The following FBXO11 variants were observed in gnomAD, a reference collection of about 807,000 sequenced individuals.
FBXO11 encodes the protein F-box protein 11.
A neutral mutation model predicts 117.0 loss-of-function variants in FBXO11; 13 were observed. The ratio of observed to expected loss-of-function variants is 0.11; its 90% CI spans 0.07 to 0.18. The LOEUF is 0.18. Ranked by LOEUF, FBXO11 falls within the 10% of genes least tolerant of loss-of-function variation. The pLI, the probability that FBXO11 is intolerant of heterozygous loss-of-function variation, is 1.00. For synonymous variants in FBXO11, 490 were observed against 380.5 expected (o/e 1.29, Z -3.35); for missense variants, 767 against 1,164.4 (o/e 0.66, Z 4.97).
intron 1 of FBXO11, among the ~76,000 whole-genome samples, chr2:47,853,861 T>C (rs1297040919): frequency 6.6e-6 from 1 of 152,218 alleles, no homozygotes; most frequent in Non-Finnish European, 1.5e-5. Flanking sequence ...GTTATCCAAT[T>C]TCATCTTCTA....
At position 47,809,273 on chromosome 2, in the gene FBXO11, TAAA is replaced by T; in HGVS notation, c.2447-10_2447-8del. The T allele has an allele frequency of 1.3e-6, 2 of 1,497,342 alleles. No individual in the cohort carries two copies. The highest frequency in any genetic ancestry group is 1.2e-5 in the South Asian group (1 of 83,910). The allele number at this position is 1,497,342 out of a possible 1,614,324, so 92.8% of individuals were successfully genotyped here. A position where few individuals can be genotyped will look rare whatever the true frequency, so the allele number is the denominator to read the frequency against. On this transcript the variant is annotated splice_polypyrimidine_tract_variant and splice_region_variant and intron_variant, in intron 20 of 22. Transcript: ENST00000403359. ...TTGTTCATTATTTTGTTATCTGTAA[TAAA>T]AGAAAGAATAAGTAAAAATTCAGAG...
chr2:47,841,327 GA>G (rs557183056), intron 1 of FBXO11, among the ~76,000 whole-genome samples: 119 of 152,268 alleles, frequency 7.8e-4, no homozygotes, highest in African/African-American at 2.6e-3. Context: ...CTTCTCTATA[GA>G]AACATTCCAG....
At position 47,809,984 on chromosome 2, in the gene FBXO11, CTT is replaced by C. The variant is rs539167206; in HGVS notation, c.2339-279_2339-278del. ...TTCATTTGCATCCATTTTAACATCT[CTT>C]TTTCTGTTGCAGATTTAAACTGGTA... On this transcript the variant is annotated intron_variant, in intron 19 of 22. Coordinates refer to ENST00000403359, the MANE Select transcript of FBXO11 (RefSeq NM_001190274.2). 324 of 489,806 alleles carry C rather than the reference CTT, an allele frequency of 6.6e-4. 1 individual carries two copies. Among genetic ancestry groups the C allele is most frequent in the African/African-American group, 5.8e-3 (293 of 50,528 alleles). The allele number at this position is 489,806 out of a possible 1,614,324, so 30.3% of individuals were successfully genotyped here.
intron 13 of FBXO11, 138 bp from the exon 14 acceptor site, chr2:47,820,594 G>A: frequency 3.2e-6 from 2 of 634,330 alleles, no homozygotes; most frequent in East Asian, 5.5e-5. Context: ...AGAACTAGAA[G>A]TGTAAATAGA....
intron 1 of FBXO11, 88 bp from the exon 2 acceptor site, chr2:47,839,857 C>A: frequency 8.5e-7 from 1 of 1,180,676 alleles, no homozygotes; most frequent in Non-Finnish European, 1.2e-6. Flanking sequence ...ACTTCAAATT[C>A]GGGAGGGAGC....
Position 47,806,928 on chromosome 2 carries a change from TAA to T in FBXO11, c.*1188_*1189del. 1 of 1,157,700 alleles carries T rather than the reference TAA, an allele frequency of 8.6e-7. No homozygotes were observed. The highest frequency in any genetic ancestry group is 1.3e-6 in the Non-Finnish European group (1 of 779,730). The allele number at this position is 1,157,700 out of a possible 1,614,324, so 71.7% of individuals were successfully genotyped here. ...GGTAAATTCAGACAACATTATGATC[TAA>T]TAAACTTTATTTTTTAAAAATGACC... is the stretch of plus-strand genomic sequence containing the variant. On this transcript the variant is annotated 3_prime_UTR_variant, in exon 23 of 23. Coordinates refer to ENST00000403359, the MANE Select transcript of FBXO11 (RefSeq NM_001190274.2).
chr2:47,890,911 G>T (rs1037207259), intron 1 of FBXO11, among the ~76,000 whole-genome samples: 1 of 152,066 alleles, frequency 6.6e-6, no homozygotes, highest in Admixed American at 6.6e-5. Context: ...TTGACCTCTA[G>T]AGCTTAAGTG....
intron 1 of FBXO11, among the ~76,000 whole-genome samples, chr2:47,852,915 T>G (rs1409611319): frequency 6.6e-6 from 1 of 152,186 alleles, no homozygotes; most frequent in Non-Finnish European, 1.5e-5. Flanking sequence ...AGGCAGAATT[T>G]TAAATCACAT....
Position 47,835,902 on chromosome 2 carries a change from T to G in FBXO11, c.687A>C (p.Pro229=). The change falls in exon 5 of 23, where the codon CCA becomes CCC. Residue 229 remains proline (P), a synonymous_variant. Coordinates refer to ENST00000403359, the MANE Select transcript of FBXO11 (RefSeq NM_001190274.2). ...YQINPEEYEH[P]NPWKESFQQL... ...GCTGGAAACTCTCTTTCCAGGGATTTGGATGTTCATACTCTTCTGGATTAA... is the reference window on the plus strand; with the variant it reads ...GCTGGAAACTCTCTTTCCAGGGATTGGGATGTTCATACTCTTCTGGATTAA... 1 of 1,610,906 alleles carries G rather than the reference T, an allele frequency of 6.2e-7. No individual in the cohort carries two copies. The highest frequency in any genetic ancestry group is 8.5e-7 in the Non-Finnish European group (1 of 1,177,762).
At chr2:47,898,884 A>T (rs1219106775) in intron 1 of FBXO11, among the ~76,000 whole-genome samples, 1 of 152,078 alleles carries the variant, frequency 6.6e-6, no homozygotes, top group Admixed American at 6.5e-5. Flanking sequence ...CAATTTTGAA[A>T]TTTTTTTGCT....
At chr2:47,861,404 G>A (rs943869845) in intron 1 of FBXO11, among the ~76,000 whole-genome samples, 2 of 148,524 alleles carry the variant, frequency 1.3e-5, no homozygotes, top group Non-Finnish European at 3.0e-5. Flanking sequence ...CTGCAGCCTC[G>A]ATCTCCTGGG....
chr2:47,810,107 C>CTT, intron 19 of FBXO11: 1 of 518,304 alleles, frequency 1.9e-6, no homozygotes, highest in Non-Finnish European at 3.4e-6. Flanking sequence ...CACGACTAAG[C>CTT]AATAAGAGCA....
intron 13 of FBXO11, among the ~76,000 whole-genome samples, chr2:47,821,129 C>T (rs1225396294): frequency 3.3e-5 from 5 of 152,192 alleles, no homozygotes; most frequent in African/African-American, 9.7e-5. Flanking sequence ...TATTTTCATC[C>T]CTGGTATCTG....
intron 16 of FBXO11, among the ~76,000 whole-genome samples, chr2:47,815,262 G>A (rs1670930096): frequency 6.6e-6 from 1 of 152,218 alleles, no homozygotes; most frequent in South Asian, 2.1e-4. Context: ...GATGGACAGA[G>A]TCGGGAAACC....
intron 4 of FBXO11, among the ~76,000 whole-genome samples, chr2:47,837,332 G>A (rs1472948965): frequency 1.3e-5 from 2 of 152,176 alleles, no homozygotes; most frequent in Non-Finnish European, 2.9e-5. Flanking sequence ...TTCAAGACCA[G>A]CCTAGCCAAC....
chr2:47,815,958 T>C (rs1171970316), intron 16 of FBXO11, among the ~76,000 whole-genome samples: 1 of 152,188 alleles, frequency 6.6e-6, no homozygotes, highest in East Asian at 1.9e-4. Context: ...GCTGGCCTCA[T>C]GGGAACACAG....
At chr2:47,856,982 C>T (rs1674344817) in intron 1 of FBXO11, among the ~76,000 whole-genome samples, 1 of 152,186 alleles carries the variant, frequency 6.6e-6, no homozygotes, top group Non-Finnish European at 1.5e-5. Flanking sequence ...TAGACCATCA[C>T]AGCAGAAATC....
intron 1 of FBXO11, among the ~76,000 whole-genome samples, chr2:47,860,843 ATTTTTT>A (rs34675496): frequency 9.6e-6 from 1 of 104,240 alleles, no homozygotes; most frequent in Non-Finnish European, 1.8e-5. Context: ...GTTTTCCCCT[ATTTTTT>A]TTTTTTTTTT....
chr2:47,812,618 T>G (rs1309578821), intron 18 of FBXO11, among the ~76,000 whole-genome samples: 1 of 152,232 alleles, frequency 6.6e-6, no homozygotes, highest in African/African-American at 2.4e-5. Flanking sequence ...GTTAGAGTAA[T>G]AACTAGCTAT....
Sources: gnomAD v4.1 joint callset for allele counts (sites outside exome capture counted in the v4.1 genomes callset) on GRCh38, gnomAD v4.1.1 for gene constraint, MANE v1.5 for transcripts, NCBI Gene and HGNC (gene_info 2026-07-23, HGNC 2026-07-21) for gene names.